The following DAAM2 variants were observed in gnomAD, a reference collection of about 807,000 sequenced individuals.
DAAM2 encodes dishevelled associated activator of morphogenesis 2.
In DAAM2, 39 loss-of-function variants were observed where a neutral mutation model predicts 120.7. That is an observed-to-expected ratio of 0.32 (90% CI 0.25 to 0.42). DAAM2 has a LOEUF of 0.42. Ranked by LOEUF, DAAM2 falls within the 10% of genes least tolerant of loss-of-function variation. DAAM2 has a pLI of 1.00. For synonymous variants in DAAM2, 488 were observed against 524.9 expected (o/e 0.93, Z 0.96); for missense variants, 1,283 against 1,401.7 (o/e 0.92, Z 1.35).
At chr6:39,882,476 G>A (rs1305394789) in intron 14 of DAAM2, among the ~76,000 whole-genome samples, 2 of 152,058 alleles carry the variant, frequency 1.3e-5, no homozygotes, top group Non-Finnish European at 2.9e-5. Flanking sequence ...AGAAGGATGG[G>A]AAGCTTTACC....
chr6:39,824,965 TGGA>T (rs1338483396), intron 1 of DAAM2, among the ~76,000 whole-genome samples: 2 of 152,120 alleles, frequency 1.3e-5, no homozygotes, highest in Non-Finnish European at 2.9e-5. Context: ...GTCTAACTCC[TGGA>T]GGAGAATGAT....
At chr6:39,868,555 C>T (rs1764521505) in intron 6 of DAAM2, 1 of 462,978 alleles carries the variant, frequency 2.2e-6, no homozygotes, top group Admixed American at 3.6e-5. Context: ...TAAAGCAGCA[C>T]TGAAGCACTG....
intron 1 of DAAM2, among the ~76,000 whole-genome samples, chr6:39,801,384 A>G (rs1281183453): frequency 6.6e-6 from 1 of 152,064 alleles, no homozygotes; most frequent in Non-Finnish European, 1.5e-5. Flanking sequence ...AGGGGTGTGG[A>G]TGTATCTGGG....
chr6:39,869,018 T>C (rs1764543069), intron 7 of DAAM2, 85 bp downstream of exon 7: 5 of 1,031,642 alleles, frequency 4.8e-6, no homozygotes, highest in East Asian at 2.6e-5. Flanking sequence ...TCCCCAATAA[T>C]TGTTTTTGCT....
At chr6:39,850,097 G>A (rs997271220) in intron 1 of DAAM2, among the ~76,000 whole-genome samples, 2 of 152,170 alleles carry the variant, frequency 1.3e-5, no homozygotes, top group African/African-American at 4.8e-5. Flanking sequence ...CAGGATGCCC[G>A]CAGCTCTGCC....
intron 1 of DAAM2, among the ~76,000 whole-genome samples, chr6:39,805,171 T>G (rs180986765): frequency 6.6e-6 from 1 of 152,296 alleles, no homozygotes; most frequent in African/African-American, 2.4e-5. Flanking sequence ...AGGGCTTGTG[T>G]GCTTCCAGGA....
intron 2 of DAAM2, among the ~76,000 whole-genome samples, chr6:39,860,522 C>T (rs1328952825): frequency 3.9e-5 from 6 of 152,184 alleles, no homozygotes; most frequent in Non-Finnish European, 8.8e-5. Context: ...CAATTCCCTT[C>T]TTTGTTAGGC....
intron 8 of DAAM2, 77 bp from the exon 9 acceptor site, chr6:39,871,429 C>T (rs1400802994): frequency 4.0e-5 from 55 of 1,366,280 alleles, no homozygotes; most frequent in South Asian, 2.5e-4. Context: ...GTGGGGGGCT[C>T]GAAGGGGCTG....
intron 1 of DAAM2, among the ~76,000 whole-genome samples, chr6:39,836,203 G>C (rs1763097010): frequency 6.6e-6 from 1 of 152,098 alleles, no homozygotes; most frequent in South Asian, 2.1e-4. Context: ...CACTGGCTTT[G>C]GCTCCATTTT....
At chr6:39,864,535 C>G in intron 4 of DAAM2, 28 bp downstream of exon 4, 1 of 1,581,250 alleles carries the variant, frequency 6.3e-7, no homozygotes, top group Non-Finnish European at 8.6e-7. Flanking sequence ...TCCTGCCCTG[C>G]CCCCACCTGG....
chr6:39,843,117 A>G (rs1178861519), intron 1 of DAAM2, among the ~76,000 whole-genome samples: 1 of 152,174 alleles, frequency 6.6e-6, no homozygotes, highest in Non-Finnish European at 1.5e-5. Flanking sequence ...AAATTGACAG[A>G]TAACAGTGTA....
intron 19 of DAAM2, among the ~76,000 whole-genome samples, chr6:39,892,390 G>C (rs1765785440): frequency 6.6e-6 from 1 of 152,142 alleles, no homozygotes; most frequent in Non-Finnish European, 1.5e-5. Context: ...TTAATGTCCC[G>C]AGGCTGTGAC....
Position 39,879,480 on chromosome 6 carries a change from G to A in DAAM2, c.1845+3G>A, listed in dbSNP as rs1023708071. 1.4e-5 allele frequency: 23 copies of A among 1,613,926 alleles called. No individual in the cohort carries two copies. Among genetic ancestry groups the A allele is most frequent in the Non-Finnish European group, 1.9e-5 (22 of 1,179,912 alleles). Reference sequence around the variant, plus strand: ...TCAACTGGGTGAAGCTGAATGAGGTGAGCATCTGGGAAGGGGCTGGAGGGC... The same window carrying A: ...TCAACTGGGTGAAGCTGAATGAGGTAAGCATCTGGGAAGGGGCTGGAGGGC... On this transcript the variant is annotated splice_donor_region_variant and intron_variant, in intron 14 of 24. Transcript: ENST00000274867.
chr6:39,815,651 T>TACACACAC (rs56736428), intron 1 of DAAM2, among the ~76,000 whole-genome samples: 3,646 of 149,030 alleles, frequency 0.024, 121 homozygotes, highest in African/African-American at 0.071. Context: ...ACCCCTGGTT[T>TACACACAC]ACACACACAC....
chr6:39,883,308 A>C (rs930986517), intron 14 of DAAM2, among the ~76,000 whole-genome samples: 3 of 151,784 alleles, frequency 2.0e-5, no homozygotes, highest in Non-Finnish European at 2.9e-5. Flanking sequence ...GACATATCCC[A>C]GTTGTAAAGG....
chr6:39,801,544 G>A (rs1360420953), intron 1 of DAAM2, among the ~76,000 whole-genome samples: 2 of 152,280 alleles, frequency 1.3e-5, no homozygotes, highest in East Asian at 3.9e-4. Flanking sequence ...ACTGGGAGCC[G>A]CCATCCTGCC....
Position 39,860,956 on chromosome 6 carries a change from G to A in DAAM2, c.197G>A (p.Arg66Gln), listed in dbSNP as rs1234324562. 4 of 1,613,150 alleles carry A rather than the reference G, an allele frequency of 2.5e-6. No homozygotes were observed. The highest frequency in any genetic ancestry group is 2.5e-6 in the Non-Finnish European group (3 of 1,179,626). Reference sequence around the variant, plus strand: ...GAATTGGATCTCACTGACAAAAACCGAGAGGCTATGTTTGCACTGCCCCCT... The same window carrying A: ...GAATTGGATCTCACTGACAAAAACCAAGAGGCTATGTTTGCACTGCCCCCT... ...VDELDLTDKN[R>Q]EAMFALPPEK... The change falls in exon 3 of 25, where the codon CGA becomes CAA. Residue 66 changes from arginine to glutamine, a missense_variant. This residue lies in a region of DAAM2 where 197 missense variants were observed against 189.3 expected (regional missense o/e 1.04). Transcript: ENST00000274867.
chr6:39,890,752 T>G (rs1404693580), intron 17 of DAAM2, among the ~76,000 whole-genome samples: 1 of 152,166 alleles, frequency 6.6e-6, no homozygotes, highest in East Asian at 1.9e-4. Flanking sequence ...ACCTCAAGTT[T>G]GTTTAAAAGA....
At position 39,903,879 on chromosome 6, in the gene DAAM2, A is replaced by C. The variant is rs1766629766; in HGVS notation, c.*1842A>C. 3 of 302,586 alleles carry C rather than the reference A, an allele frequency of 9.9e-6. No individual in the cohort carries two copies. The highest frequency in any genetic ancestry group is 6.5e-5 in the African/African-American group (3 of 45,914). The allele number at this position is 302,586 out of a possible 1,614,324, so 18.7% of individuals were successfully genotyped here. A position where few individuals can be genotyped will look rare whatever the true frequency, so the allele number is the denominator to read the frequency against. On this transcript the variant is annotated 3_prime_UTR_variant, in exon 25 of 25. Coordinates refer to ENST00000274867, the MANE Select transcript of DAAM2 (RefSeq NM_001201427.2). ...TGGCTGACACAGGTGTGAAGAGGCC[A>C]TCCTGGAACCCAGGTGAGGGCAAGA...
Sources: gnomAD v4.1 joint callset for allele counts (sites outside exome capture counted in the v4.1 genomes callset) on GRCh38, gnomAD v4.1.1 for gene constraint, gnomAD v4.1.1 regional missense constraint, MANE v1.5 for transcripts, NCBI Gene and HGNC (gene_info 2026-07-23, HGNC 2026-07-21) for gene names.